The following KCNT2 variants were observed in gnomAD, a reference collection of about 807,000 sequenced individuals.
The protein encoded by KCNT2 is potassium channel subfamily T member 2.
In KCNT2, 67 loss-of-function variants were observed where a neutral mutation model predicts 153.8. The observed-to-expected ratio is 0.44, with a 90% CI of 0.36 to 0.53. The LOEUF (loss-of-function observed/expected upper bound fraction) is 0.53. Ranked by LOEUF, KCNT2 falls within the 20% of genes least tolerant of loss-of-function variation. KCNT2 has a pLI of 0.00. For missense variants in KCNT2, 975 were observed against 1,354.8 expected (o/e 0.72, Z 4.40); for synonymous variants, 500 against 458.8 (o/e 1.09, Z -1.15).
intron 14 of KCNT2, among the ~76,000 whole-genome samples, chr1:196,345,042 A>G (rs1320231815): frequency 2.6e-4 from 40 of 152,108 alleles, no homozygotes; most frequent in Admixed American, 2.6e-3. Context: ...TCCAGTCCCC[A>G]CTCATTAGCT....
At chr1:196,367,278 T>C (rs759398825) in intron 14 of KCNT2, among the ~76,000 whole-genome samples, 1 of 152,172 alleles carries the variant, frequency 6.6e-6, no homozygotes, top group Non-Finnish European at 1.5e-5. Flanking sequence ...TAATATTTAT[T>C]TTAGCAGAAT....
At chr1:196,397,251 A>G (rs6428340) in intron 13 of KCNT2, among the ~76,000 whole-genome samples, 151,100 of 151,428 alleles carry the variant, frequency 1, 75,386 homozygotes, top group Middle Eastern at 1. Flanking sequence ...TCATCACCAT[A>G]TATATTTAAA....
chr1:196,543,623 C>T (rs1434537133), intron 1 of KCNT2, among the ~76,000 whole-genome samples: 2 of 152,064 alleles, frequency 1.3e-5, no homozygotes, highest in Non-Finnish European at 2.9e-5. Context: ...TGGATGTCCA[C>T]GATAATTTTC....
At chr1:196,290,566 GTA>G (rs746811423) in intron 22 of KCNT2, among the ~76,000 whole-genome samples, 25 of 149,268 alleles carry the variant, frequency 1.7e-4, no homozygotes, top group South Asian at 6.3e-4. Flanking sequence ...ATGTATAGGT[GTA>G]TATATATATA....
intron 14 of KCNT2, among the ~76,000 whole-genome samples, chr1:196,372,337 T>C (rs1031157760): frequency 6.6e-6 from 1 of 151,924 alleles, no homozygotes; most frequent in African/African-American, 2.4e-5. Context: ...ACCTAAACAA[T>C]TATCAATTAA....
chr1:196,599,690 C>T (rs1309686193), intron 1 of KCNT2, among the ~76,000 whole-genome samples: 1 of 152,176 alleles, frequency 6.6e-6, no homozygotes, highest in African/African-American at 2.4e-5. Context: ...GTCCCCTACA[C>T]ATCAGCCATG....
chr1:196,408,106 T>A (rs991897176), intron 12 of KCNT2, among the ~76,000 whole-genome samples: 2 of 151,540 alleles, frequency 1.3e-5, no homozygotes, highest in African/African-American at 4.8e-5. Context: ...TCTGCCCTGA[T>A]AATCTTAACT....
chr1:196,244,766 G>T (rs890802630), intron 26 of KCNT2, among the ~76,000 whole-genome samples: 1 of 152,158 alleles, frequency 6.6e-6, no homozygotes, highest in African/African-American at 2.4e-5. Flanking sequence ...CCCAGAATAA[G>T]CAGGGAACTT....
At chr1:196,229,359 G>A (rs907167108) in intron 27 of KCNT2, among the ~76,000 whole-genome samples, 7 of 152,004 alleles carry the variant, frequency 4.6e-5, no homozygotes, top group African/African-American at 1.2e-4. Flanking sequence ...ACCACTATCC[G>A]CACCCATATA....
At chr1:196,230,624 G>A (rs947585738) in intron 27 of KCNT2, among the ~76,000 whole-genome samples, 3 of 151,912 alleles carry the variant, frequency 2.0e-5, no homozygotes, top group Admixed American at 2.0e-4. Flanking sequence ...TGACTTTGAG[G>A]GGATCAAGAC....
At chr1:196,439,868 A>T (rs767027084) in intron 8 of KCNT2, among the ~76,000 whole-genome samples, 4 of 151,906 alleles carry the variant, frequency 2.6e-5, no homozygotes, top group Non-Finnish European at 5.9e-5. Flanking sequence ...GGAGGGGAAC[A>T]TCACACACCA....
chr1:196,473,064 T>C (rs1387473946), intron 5 of KCNT2, among the ~76,000 whole-genome samples: 1 of 152,238 alleles, frequency 6.6e-6, no homozygotes, highest in Non-Finnish European at 1.5e-5. Context: ...GGACGGAATA[T>C]ATAAAGTATA....
chr1:196,479,390 C>G (rs1678811131), intron 4 of KCNT2, 152 bp from the exon 5 acceptor site: 1 of 564,956 alleles, frequency 1.8e-6, no homozygotes, highest in Non-Finnish European at 3.2e-6. Context: ...AACTTCTATA[C>G]ACAGATGACA....
intron 1 of KCNT2, among the ~76,000 whole-genome samples, chr1:196,509,544 A>G (rs1025148986): frequency 1.3e-5 from 2 of 152,236 alleles, no homozygotes; most frequent in African/African-American, 4.8e-5. Context: ...TAACTTATTT[A>G]CAGATGCATA....
chr1:196,499,298 C>T (rs1680488279), intron 1 of KCNT2, among the ~76,000 whole-genome samples: 3 of 152,192 alleles, frequency 2.0e-5, no homozygotes, highest in Admixed American at 2.0e-4. Context: ...TGTGGTGCTT[C>T]ATTGTGGCAG....
At chr1:196,436,755 C>T (rs565936382) in intron 8 of KCNT2, among the ~76,000 whole-genome samples, 1 of 150,810 alleles carries the variant, frequency 6.6e-6, no homozygotes, top group Middle Eastern at 3.5e-3. Flanking sequence ...AAATTAAATA[C>T]AAAATGTACT....
At chr1:196,410,413 G>A (rs1023866082) in intron 12 of KCNT2, among the ~76,000 whole-genome samples, 5 of 151,220 alleles carry the variant, frequency 3.3e-5, no homozygotes, top group African/African-American at 7.3e-5. Context: ...ACTGGGGCCT[G>A]TTGTGGGGTG....
At chr1:196,332,929 C>T (rs377139315) in intron 17 of KCNT2, among the ~76,000 whole-genome samples, 13 of 151,458 alleles carry the variant, frequency 8.6e-5, no homozygotes, top group South Asian at 2.1e-4. Flanking sequence ...GGATTGCAGG[C>T]GCGCACCACC....
intron 25 of KCNT2, among the ~76,000 whole-genome samples, chr1:196,277,238 A>G (rs1419899059): frequency 6.6e-6 from 1 of 152,114 alleles, no homozygotes; most frequent in Non-Finnish European, 1.5e-5. Flanking sequence ...TCTTCTTCTT[A>G]GAGTAAATGA....
Sources: allele counts gnomAD v4.1 joint callset (sites outside exome capture counted in the v4.1 genomes callset), GRCh38; gene constraint gnomAD v4.1.1; transcripts MANE v1.5; gene names NCBI Gene and HGNC (gene_info 2026-07-23, HGNC 2026-07-21).